B4GALNT1: variants seen among roughly 807,000 people sequenced by gnomAD.
B4GALNT1 encodes the protein beta-1,4-N-acetyl-galactosaminyltransferase 1.
B4GALNT1 carries 43 observed loss-of-function variants against 55.2 expected under a neutral mutation model. The observed-to-expected ratio is 0.78, with a 90% confidence interval of 0.61 to 1.00. The LOEUF (loss-of-function observed/expected upper bound fraction) is 1.00. Ranked by LOEUF, B4GALNT1 falls within the 50% of genes least tolerant of loss-of-function variation. The pLI is 0.00. For missense variants in B4GALNT1, 664 were observed against 729.7 expected, an observed-to-expected ratio of 0.91 and a Z score of 1.04; for synonymous variants, 305 against 311.6, an observed-to-expected ratio of 0.98 and a Z score of 0.22.
chr12:57,629,496 A>T (rs1439198631), intron 6 of B4GALNT1: 2 of 320,030 alleles, frequency 6.2e-6, no homozygotes, highest in Non-Finnish European at 1.1e-5. Flanking sequence ...ACATTTACAC[A>T]ACTATTAAGC....
At position 57,625,653 on chromosome 12, in the gene B4GALNT1, G is replaced by A; in HGVS notation, c.*1091C>T. 1.9e-6 allele frequency: 3 copies of A among 1,591,036 alleles called. No homozygotes were observed. The highest frequency in any genetic ancestry group is 2.6e-6 in the Non-Finnish European group (3 of 1,168,482). The stretch of plus-strand genomic sequence containing the variant: ...GACTCCAGATCAGCTGTTTGTGAGT[G>A]TGCAGGATGCAGCTGCTTATGCCCT... On this transcript the variant is annotated 3_prime_UTR_variant, in exon 11 of 11. Transcript: ENST00000341156.
Position 57,623,702 on chromosome 12 carries a change from G to A in B4GALNT1, c.*3042C>T. 2 of 696,960 alleles carry A rather than the reference G, an allele frequency of 2.9e-6. No homozygotes were observed. The highest frequency in any genetic ancestry group is 2.8e-5 in the Admixed American group (1 of 36,118). The allele number at this position is 696,960 out of a possible 1,614,324, so 43.2% of individuals were successfully genotyped here. ...ATGTGAATGGCAGAATATTAAGAAG[G>A]GGGTTGTGTGGAAGGAGATTTGGGA... On this transcript the variant is annotated 3_prime_UTR_variant, in exon 11 of 11. Transcript: ENST00000341156.
rs1885007260 is a variant in B4GALNT1 at position 57,628,748 on chromosome 12, G to A, written c.967C>T (p.Pro323Ser). The A allele has an allele frequency of 3.1e-6, 5 of 1,614,224 alleles. No individual in the cohort carries two copies. The East Asian group carries it at 6.7e-5, about 22-fold the overall frequency. ...DSDKPERVSG[P>S]YVEHYLMPFG... is the part of the protein sequence containing the mutation. ...GGCATGAGATAGTGTTCCACGTAGG[G>A]GCCACTAACGCGCTCTGGCTTGTCG... Residue 323 changes from proline to serine, a missense_variant, in exon 8 of 11, where the codon CCC becomes TCC. Coordinates refer to ENST00000341156, the MANE Select transcript of B4GALNT1 (RefSeq NM_001478.5).
Position 57,623,495 on chromosome 12 carries a change from T to A in B4GALNT1, c.*3249A>T. ...ATCACATATCAAAGTCTCCCCCTAA[T>A]ATTTTTGGTTTCCCTTACTTTGCTG... On this transcript the variant is annotated 3_prime_UTR_variant, in exon 11 of 11. Transcript: ENST00000341156. 1 of 430,404 alleles carries A rather than the reference T, an allele frequency of 2.3e-6. No homozygotes were observed. Among genetic ancestry groups the A allele is most frequent in the Non-Finnish European group, 4.1e-6 (1 of 242,604 alleles). 26.7% of individuals were successfully genotyped at this position (430,404 alleles called of 1,614,324 possible). A position where few individuals can be genotyped will look rare whatever the true frequency, so the allele number is the denominator to read the frequency against.
At chr12:57,630,574 C>G in intron 4 of B4GALNT1, 56 bp from the exon 5 acceptor site, 1 of 1,535,986 alleles carries the variant, frequency 6.5e-7, no homozygotes, top group Non-Finnish European at 8.8e-7. Flanking sequence ...AATTCTTTCT[C>G]ATTTTCTCTC....
At position 57,623,572 on chromosome 12, in the gene B4GALNT1, A is replaced by C; in HGVS notation, c.*3172T>G. ...ATAGGGTAACCCAACAGTGGCTTTT[A>C]AGGTGGAGGTGGGCTACAAAACTGG... On this transcript the variant is annotated 3_prime_UTR_variant, in exon 11 of 11. Coordinates refer to ENST00000341156, the MANE Select transcript of B4GALNT1 (RefSeq NM_001478.5). The C allele has an allele frequency of 1.9e-6, 1 of 520,392 alleles. No individual in the cohort carries two copies. The allele number at this position is 520,392 out of a possible 1,614,324, so 32.2% of individuals were successfully genotyped here. A position where few individuals can be genotyped will look rare whatever the true frequency, so the allele number is the denominator to read the frequency against.
Position 57,631,960 on chromosome 12 carries a change from G to C in B4GALNT1, c.173C>G (p.Pro58Arg). ...RPELPDLAPEPRYAHIPVRIK... is the reference protein window; with the variant it reads ...RPELPDLAPERRYAHIPVRIK... ...CCTGACCGGGATGTGTGCGTAGCGG[G>C]GCTCAGGAGCAAGATCTGGCAGCTC... The change falls in exon 2 of 11, where the codon CCC becomes CGC. Residue 58 changes from proline to arginine, a missense_variant. By Grantham distance (103) the Pro-to-Arg change is moderately radical. Coordinates refer to ENST00000341156, the MANE Select transcript of B4GALNT1 (RefSeq NM_001478.5). The C allele has an allele frequency of 1.4e-6, 2 of 1,456,026 alleles. No homozygotes were observed. The highest frequency in any genetic ancestry group is 9.1e-7 in the Non-Finnish European group (1 of 1,104,258). The allele number at this position is 1,456,026 out of a possible 1,614,324, so 90.2% of individuals were successfully genotyped here. A position where few individuals can be genotyped will look rare whatever the true frequency, so the allele number is the denominator to read the frequency against.
intron 6 of B4GALNT1, chr12:57,629,743 G>T: frequency 2.1e-6 from 3 of 1,424,794 alleles, no homozygotes; most frequent in Non-Finnish European, 2.7e-6. Flanking sequence ...CAAACTTAGT[G>T]CAACAAACCA....
At position 57,624,291 on chromosome 12, in the gene B4GALNT1, T is replaced by G; in HGVS notation, c.*2453A>C. ...GGTTTGAACCCCTTTGGCCTGAATA[T>G]TTGTAACTTCCCAACTGGTGCGGGT... On this transcript the variant is annotated 3_prime_UTR_variant, in exon 11 of 11. Coordinates refer to ENST00000341156, the MANE Select transcript of B4GALNT1 (RefSeq NM_001478.5). 3.1e-6 allele frequency: 2 copies of G among 634,990 alleles called. No homozygotes were observed. Among genetic ancestry groups the G allele is most frequent in the Non-Finnish European group, 5.7e-6 (2 of 353,658 alleles). The allele number at this position is 634,990 out of a possible 1,614,324, so 39.3% of individuals were successfully genotyped here. A position where few individuals can be genotyped will look rare whatever the true frequency, so the allele number is the denominator to read the frequency against.
intron 1 of B4GALNT1, chr12:57,632,516 C>T (rs1335208346): frequency 3.0e-6 from 1 of 335,252 alleles, no homozygotes; most frequent in Non-Finnish European, 5.7e-6. Flanking sequence ...CCGGCGCGCC[C>T]CCGACTCCTC....
rs768757595 is a variant in B4GALNT1 at position 57,624,612 on chromosome 12, C to T, written c.*2132G>A. ...GTGGTCTGCCGCACCCGGAGGTGGG[C>T]ATAGAGATGAGTGGAGTTGAGGTCG... On this transcript the variant is annotated 3_prime_UTR_variant, in exon 11 of 11. Transcript: ENST00000341156. 28 of 703,456 alleles carry T rather than the reference C, an allele frequency of 4.0e-5. No homozygotes were observed. The Middle Eastern group carries it at 7.3e-4, about 18-fold the overall frequency. The allele number at this position is 703,456 out of a possible 1,614,324, so 43.6% of individuals were successfully genotyped here.
chr12:57,628,231 G>C lies in B4GALNT1; in HGVS notation c.1034C>G (p.Ser345Cys), dbSNP rs772896451. ...GWFAGRNLAVSQVTTKYVLWV... is the reference protein window; with the variant it reads ...GWFAGRNLAVCQVTTKYVLWV... ...CAGCACGTACTTGGTGGTTACTTGA[G>C]ACACGGCCAGGTTCCGGCCTGCGAA... The change falls in exon 9 of 11, where the codon TCT becomes TGT. Residue 345 changes from serine (S) to cysteine (C), a missense_variant. Transcript: ENST00000341156. 1.2e-6 allele frequency: 2 copies of C among 1,614,292 alleles called. No homozygotes were observed. The highest frequency in any genetic ancestry group is 1.7e-6 in the Non-Finnish European group (2 of 1,180,056).
chr12:57,627,903 G>A (rs948173044), intron 9 of B4GALNT1, 45 bp from the exon 10 acceptor site: 12 of 1,520,360 alleles, frequency 7.9e-6, no homozygotes, highest in African/African-American at 1.4e-5. Context: ...TGGGATAGGG[G>A]ACCCGAAGGG....
intron 5 of B4GALNT1, 58 bp from the exon 6 acceptor site, chr12:57,630,390 A>G: frequency 2.5e-6 from 4 of 1,598,534 alleles, no homozygotes; most frequent in Non-Finnish European, 3.4e-6. Context: ...TGCCTCCCTG[A>G]TTCGCCCATC....
chr12:57,631,326 C>G lies in B4GALNT1; in HGVS notation c.257G>C (p.Gly86Ala), dbSNP rs1480938565. Residue 86 changes from glycine to alanine, a missense_variant, in exon 3 of 11, where the codon GGG becomes GCG. Physicochemically the swap from Gly to Ala is moderately conservative, Grantham distance 60 (BLOSUM62 0). Coordinates refer to ENST00000341156, the MANE Select transcript of B4GALNT1 (RefSeq NM_001478.5). Reference protein sequence around the residue: ...AWNNCSCESSGGGLPLPFQKQ... With the variant: ...AWNNCSCESSAGGLPLPFQKQ... ...CTGGAAGGGGAGGGGGAGGCCCCCC[C>G]CACTGGACTCACAACTGCAGTTGTT... The G allele has an allele frequency of 6.8e-6, 11 of 1,614,024 alleles. No individual in the cohort carries two copies. The highest frequency in any genetic ancestry group is 6.8e-6 in the Non-Finnish European group (8 of 1,180,000).
At position 57,624,073 on chromosome 12, in the gene B4GALNT1, T is replaced by G; in HGVS notation, c.*2671A>C. The stretch of plus-strand genomic sequence containing the variant: ...TGCCAGATGCAGGAACTTCCACAAC[T>G]ATGGCACATCAGCCGAGTGGACTTT... On this transcript the variant is annotated 3_prime_UTR_variant, in exon 11 of 11. Coordinates refer to ENST00000341156, the MANE Select transcript of B4GALNT1 (RefSeq NM_001478.5). 6.2e-7 allele frequency: 1 copy of G among 1,613,908 alleles called. No individual in the cohort carries two copies. Among genetic ancestry groups the G allele is most frequent in the Non-Finnish European group, 8.5e-7 (1 of 1,179,928 alleles).
rs1209866019 is a variant in B4GALNT1 at position 57,624,066 on chromosome 12, C to A, written c.*2678G>T. 1.2e-6 allele frequency: 2 copies of A among 1,613,818 alleles called. No homozygotes were observed. Among genetic ancestry groups the A allele is most frequent in the South Asian group, 1.1e-5 (1 of 91,010 alleles). On this transcript the variant is annotated 3_prime_UTR_variant, in exon 11 of 11. Transcript: ENST00000341156. ...GGTGTTCTGCCAGATGCAGGAACTT[C>A]CACAACTATGGCACATCAGCCGAGT...
rs770326090 is a variant in B4GALNT1, at chr12:57,628,744, T to G, written c.971A>C (p.Tyr324Ser). 3.2e-5 allele frequency: 51 copies of G among 1,614,116 alleles called. No homozygotes were observed. The highest frequency in any genetic ancestry group is 4.2e-5 in the Non-Finnish European group (50 of 1,180,052). Residue 324 changes from tyrosine (Y) to serine (S), a missense_variant, in exon 8 of 11, where the codon TAC becomes TCC. Coordinates refer to ENST00000341156, the MANE Select transcript of B4GALNT1 (RefSeq NM_001478.5). ...GAAGGGCATGAGATAGTGTTCCACG[T>G]AGGGGCCACTAACGCGCTCTGGCTT... ...SDKPERVSGP[Y>S]VEHYLMPFGK...
intron 2 of B4GALNT1, among the ~76,000 whole-genome samples, chr12:57,631,648 T>C (rs559978704): frequency 6.6e-6 from 1 of 152,244 alleles, no homozygotes; most frequent in South Asian, 2.1e-4. Context: ...TTCTCATACC[T>C]GAATCAGGAC....
Sources: allele counts gnomAD v4.1 joint callset (sites outside exome capture counted in the v4.1 genomes callset), GRCh38; gene constraint gnomAD v4.1.1; transcripts MANE v1.5; gene names NCBI Gene and HGNC (gene_info 2026-07-23, HGNC 2026-07-21).